Variants in DNAAF10 observed in about 807,000 individuals in gnomAD.
DNAAF10 encodes the protein dynein axonemal assembly factor 10.
In DNAAF10, 28 loss-of-function variants were observed where a neutral mutation model predicts 43.7. The ratio of observed to expected loss-of-function variants is 0.64; its 90% confidence interval spans 0.48 to 0.88. DNAAF10 has a LOEUF of 0.88. DNAAF10 is among the 40% of genes least tolerant of loss of function. The pLI is 0.00. For missense variants in DNAAF10, 403 were observed against 439.1 expected (o/e 0.92, Z 0.73); for synonymous variants, 156 against 157.3 (o/e 0.99, Z 0.06).
intron 1 of DNAAF10, among the ~76,000 whole-genome samples, chr2:68,148,703 G>A (rs1673383797): frequency 6.6e-6 from 1 of 152,150 alleles, no homozygotes; most frequent in South Asian, 2.1e-4. Context: ...CCCACTGACT[G>A]TCAGCCTCAA....
intron 1 of DNAAF10, among the ~76,000 whole-genome samples, chr2:68,153,052 C>G (rs17035043): frequency 0.067 from 10,203 of 152,148 alleles, 397 homozygotes; most frequent in Middle Eastern, 0.19. Context: ...CATATGGTAT[C>G]TTTGTGCCAA....
chr2:68,141,756 G>C lies in DNAAF10; in HGVS notation c.455C>G (p.Pro152Arg). ...KVWDPRQKDD[P>R]VANMEPVQGE... is the part of the protein sequence containing the mutation. ...TTGTACAGGTTCCATATTAGCAACA[G>C]GATCATCTTTTTGCCTTGGGTCCCA... The change falls in exon 4 of 8, where the codon CCT (proline) becomes CGT (arginine). Residue 152 changes from proline (P) to arginine (R), a missense_variant. Pro to Arg is a moderately radical substitution (Grantham distance 103). Coordinates refer to ENST00000295121, the MANE Select transcript of DNAAF10 (RefSeq NM_138458.4). The C allele has an allele frequency of 6.2e-7, 1 of 1,614,096 alleles. No individual in the cohort carries two copies. The highest frequency in any genetic ancestry group is 1.3e-5 in the African/African-American group (1 of 75,044).
intron 2 of DNAAF10, among the ~76,000 whole-genome samples, chr2:68,145,379 C>G (rs1455279895): frequency 1.3e-5 from 2 of 152,142 alleles, no homozygotes; most frequent in South Asian, 4.1e-4. Flanking sequence ...AATCATCATA[C>G]TCATTGTTAA....
intron 1 of DNAAF10, among the ~76,000 whole-genome samples, chr2:68,152,763 T>C (rs374704596): frequency 2.6e-5 from 4 of 152,206 alleles, no homozygotes; most frequent in African/African-American, 9.7e-5. Flanking sequence ...TTTCTTGCTA[T>C]AAGAAGTTAA....
At chr2:68,138,137 T>G (rs1673090829) in intron 5 of DNAAF10, among the ~76,000 whole-genome samples, 2 of 152,026 alleles carry the variant, frequency 1.3e-5, no homozygotes, top group Admixed American at 1.3e-4. Context: ...ATCGCGCCAC[T>G]GCACTCCAGC....
intron 1 of DNAAF10, among the ~76,000 whole-genome samples, chr2:68,154,951 A>C (rs893373331): frequency 6.6e-6 from 1 of 151,506 alleles, no homozygotes; most frequent in African/African-American, 2.4e-5. Flanking sequence ...TTTTTATACA[A>C]AAAGTAGAGA....
chr2:68,147,103 A>G (rs1183642130), intron 2 of DNAAF10, among the ~76,000 whole-genome samples: 1 of 152,172 alleles, frequency 6.6e-6, no homozygotes, highest in Non-Finnish European at 1.5e-5. Flanking sequence ...TGAAATATAA[A>G]TAATATCTAC....
intron 4 of DNAAF10, 37 bp downstream of exon 4, chr2:68,141,657 C>T: frequency 1.9e-6 from 3 of 1,585,982 alleles, no homozygotes; most frequent in Non-Finnish European, 1.7e-6. Flanking sequence ...TTTTTACCAT[C>T]TGATAATTCA....
At chr2:68,145,858 T>C (rs1461651455) in intron 2 of DNAAF10, among the ~76,000 whole-genome samples, 1 of 152,244 alleles carries the variant, frequency 6.6e-6, no homozygotes, top group Non-Finnish European at 1.5e-5. Flanking sequence ...ACATTTCTCT[T>C]AATAATTTAG....
rs70949671 is a variant in DNAAF10, at chr2:68,130,107, G to GATATATATATATATATATATATATATAT, written c.*1130_*1131insATATATATATATATATATATATATATAT. 23 of 120,364 alleles carry GATATATATATATATATATATATATATAT rather than the reference G, an allele frequency of 1.9e-4. 2 individuals are homozygous for GATATATATATATATATATATATATATAT. Among genetic ancestry groups the GATATATATATATATATATATATATATAT allele is most frequent in the African/African-American group, 8.8e-4 (21 of 23,942 alleles). 7.5% of individuals were successfully genotyped at this position (120,364 alleles called of 1,614,324 possible). On this transcript the variant is annotated 3_prime_UTR_variant, in exon 8 of 8. Coordinates refer to ENST00000295121, the MANE Select transcript of DNAAF10 (RefSeq NM_138458.4). ...ATCTAGACCAACCGTGCCGTTTTGA[G>GATATATATATATATATATATATATATAT]AGAGAGAGATATATATATATATATT...
At chr2:68,154,387 C>T (rs1199039503) in intron 1 of DNAAF10, among the ~76,000 whole-genome samples, 1 of 152,098 alleles carries the variant, frequency 6.6e-6, no homozygotes, top group South Asian at 2.1e-4. Context: ...GCTGGGACTA[C>T]AGGCGCCCGC....
chr2:68,154,031 G>A (rs533888640), intron 1 of DNAAF10, among the ~76,000 whole-genome samples: 95 of 152,044 alleles, frequency 6.2e-4, no homozygotes, highest in Middle Eastern at 6.8e-3. Flanking sequence ...GGGATTACAG[G>A]TGTGAGCACC....
At chr2:68,154,000 G>A (rs1398943343) in intron 1 of DNAAF10, among the ~76,000 whole-genome samples, 2 of 151,850 alleles carry the variant, frequency 1.3e-5, no homozygotes, top group East Asian at 1.9e-4. Flanking sequence ...TGATCCCCCC[G>A]CCTCGGCCTC....
intron 1 of DNAAF10, 85 bp downstream of exon 1, chr2:68,157,176 G>A (rs1673644903): frequency 6.6e-7 from 1 of 1,504,954 alleles, no homozygotes. Context: ...GGGACGCTGG[G>A]CGAAGGCTCT....
At chr2:68,155,257 C>T (rs1673565728) in intron 1 of DNAAF10, among the ~76,000 whole-genome samples, 1 of 151,884 alleles carries the variant, frequency 6.6e-6, no homozygotes, top group African/African-American at 2.4e-5. Flanking sequence ...TTTGGGAGCC[C>T]AAGGCGGGTG....
In DNAAF10 at chr2:68,157,269, G is replaced by A. The variant is rs1459334899; in HGVS notation, c.175C>T (p.Leu59Phe). ...CTCGACCCGGCACCCACCTCCCGAA[G>A]CAGCTTCAGGTCCCCGTGCTGGATC... ...YEIQHGDLKL[L>F]REIEKAKPIK... Residue 59 changes from leucine to phenylalanine, a missense_variant, in exon 1 of 8, where the codon CTT (leucine) becomes TTT (phenylalanine). Transcript: ENST00000295121. 2 of 1,613,236 alleles carry A rather than the reference G, an allele frequency of 1.2e-6. No individual in the cohort carries two copies. Among genetic ancestry groups the A allele is most frequent in the Admixed American group, 1.7e-5 (1 of 59,980 alleles).
Position 68,130,083 on chromosome 2 carries a change from T to A in DNAAF10, c.*1155A>T, listed in dbSNP as rs1039591913. ...AAATTGCAGAAAATAGCTACCCAAA[T>A]CTAGACCAACCGTGCCGTTTTGAGA... is the stretch of plus-strand genomic sequence containing the variant. On this transcript the variant is annotated 3_prime_UTR_variant, in exon 8 of 8. Transcript: ENST00000295121. The A allele has an allele frequency of 1.1e-4, 16 of 140,964 alleles. No individual in the cohort carries two copies. The highest frequency in any genetic ancestry group is 3.9e-4 in the African/African-American group (15 of 37,976). 8.7% of individuals were successfully genotyped at this position (140,964 alleles called of 1,614,324 possible).
chr2:68,138,721 A>G (rs757915825), intron 5 of DNAAF10, 21 bp downstream of exon 5: 15 of 1,562,716 alleles, frequency 9.6e-6, no homozygotes, highest in Non-Finnish European at 1.2e-5. Flanking sequence ...AGAAACCAAA[A>G]AGCCTCAGAA....
At chr2:68,131,506 A>G in intron 7 of DNAAF10, 61 bp from the exon 8 acceptor site, 1 of 1,518,006 alleles carries the variant, frequency 6.6e-7, no homozygotes, top group Non-Finnish European at 9.1e-7. Flanking sequence ...TTTTATTTTT[A>G]TACATACACT....
Sources: allele counts gnomAD v4.1 joint callset (sites outside exome capture counted in the v4.1 genomes callset), GRCh38; gene constraint gnomAD v4.1.1; transcripts MANE v1.5; gene names NCBI Gene and HGNC (gene_info 2026-07-23, HGNC 2026-07-21).